Variants in CDH13 observed in about 807,000 individuals in gnomAD.
CDH13 encodes the protein cadherin-13.
A neutral mutation model predicts 63.8 loss-of-function variants in CDH13; 24 were observed. That is an observed-to-expected ratio of 0.38 (90% CI 0.27 to 0.53). CDH13 has a LOEUF of 0.53. Among genes scored for constraint, CDH13 ranks in the 20% least tolerant of loss-of-function variants. The pLI is 0.85. For synonymous variants in CDH13, 503 were observed against 355.3 expected (o/e 1.42, Z -4.67); for missense variants, 1,049 against 903.1 (o/e 1.16, Z -2.07).
chr16:83,414,010 C>A (rs1361669389), intron 6 of CDH13, among the ~76,000 whole-genome samples: 1 of 152,068 alleles, frequency 6.6e-6, no homozygotes, highest in Admixed American at 6.6e-5. Context: ...AACAAAAATA[C>A]TCTTCTCTCT....
chr16:83,052,801 A>AAAGAAAG (rs1555571698), intron 3 of CDH13, among the ~76,000 whole-genome samples: 1 of 122,670 alleles, frequency 8.2e-6, no homozygotes, highest in African/African-American at 3.3e-5. Flanking sequence ...AAAAAAAAAA[A>AAAGAAAG]AAAGAAAGAA....
rs138629648 is a variant in CDH13 at position 83,246,765 on chromosome 16, G to A, written c.636+29268G>A. On this transcript the variant is annotated intron_variant, in intron 5 of 13. Coordinates refer to ENST00000567109, the MANE Select transcript of CDH13 (RefSeq NM_001257.5). ...TAAAGCTGGATCTAATCACTTCCTT[G>A]CTGAAACCATTGATGCTTCTCTGTC... Among the ~76,000 whole-genome samples the A allele has an allele frequency of 3.9e-5, 6 of 152,260 alleles. No individual in the cohort carries two copies. The East Asian group carries it at 1.2e-3, about 29-fold the overall frequency.
At chr16:83,381,244 G>A (rs2091561398) in intron 6 of CDH13, among the ~76,000 whole-genome samples, 1 of 151,886 alleles carries the variant, frequency 6.6e-6, no homozygotes, top group South Asian at 2.1e-4. Flanking sequence ...GCCATCTGGA[G>A]TGAGCACATC....
At chr16:83,502,168 G>A (rs527724426) in intron 7 of CDH13, among the ~76,000 whole-genome samples, 95 of 152,226 alleles carry the variant, frequency 6.2e-4, no homozygotes, top group Admixed American at 1.1e-3. Context: ...TACCTTACAG[G>A]GCAAATGGGA....
chr16:83,427,916 G>C (rs1212504756), intron 6 of CDH13, among the ~76,000 whole-genome samples: 1 of 152,220 alleles, frequency 6.6e-6, no homozygotes, highest in Non-Finnish European at 1.5e-5. Flanking sequence ...AGGCAGAACT[G>C]CTGACAGCTT....
At chr16:83,375,905 T>C (rs890594036) in intron 6 of CDH13, among the ~76,000 whole-genome samples, 5 of 151,858 alleles carry the variant, frequency 3.3e-5, no homozygotes, top group African/African-American at 7.3e-5. Flanking sequence ...ATGATACAGG[T>C]GTTGGAGAGA....
At chr16:83,374,580 G>C (rs527954228) in intron 6 of CDH13, among the ~76,000 whole-genome samples, 1 of 152,324 alleles carries the variant, frequency 6.6e-6, no homozygotes, top group South Asian at 2.1e-4. Flanking sequence ...GAACATCTGA[G>C]TTGGAACTCG....
At chr16:83,465,322 T>C (rs549220987) in intron 6 of CDH13, among the ~76,000 whole-genome samples, 1 of 152,230 alleles carries the variant, frequency 6.6e-6, no homozygotes, top group Admixed American at 6.5e-5. Flanking sequence ...GCTTCTAGAA[T>C]TACAAGAGGG....
chr16:83,480,721 C>T (rs1022383135), intron 6 of CDH13, among the ~76,000 whole-genome samples: 2 of 152,204 alleles, frequency 1.3e-5, no homozygotes, highest in East Asian at 1.9e-4. Flanking sequence ...GGAATCCCCT[C>T]AGTCCTGGGA....
chr16:82,928,116 T>C (rs537077346), intron 2 of CDH13, among the ~76,000 whole-genome samples: 1 of 152,256 alleles, frequency 6.6e-6, no homozygotes, highest in African/African-American at 2.4e-5. Flanking sequence ...CCATTTGTAC[T>C]ATTTGGTCAT....
intron 7 of CDH13, among the ~76,000 whole-genome samples, chr16:83,534,570 C>T (rs1013411667): frequency 2.0e-5 from 3 of 152,190 alleles, no homozygotes; most frequent in African/African-American, 7.2e-5. Context: ...CTTTTGTGGC[C>T]TTTTGCGATT....
chr16:83,039,717 C>T (rs1048313656), intron 3 of CDH13, among the ~76,000 whole-genome samples: 8 of 152,064 alleles, frequency 5.3e-5, no homozygotes, highest in Non-Finnish European at 1.2e-4. Context: ...ATGAGTGGAG[C>T]GAGTTACCCC....
At chr16:83,038,005 C>A (rs955348069) in intron 3 of CDH13, among the ~76,000 whole-genome samples, 1 of 151,894 alleles carries the variant, frequency 6.6e-6, no homozygotes, top group Non-Finnish European at 1.5e-5. Flanking sequence ...GAGACAGAAG[C>A]CAGAGATGGG....
At chr16:83,643,292 A>AG (rs1911471630) in intron 8 of CDH13, among the ~76,000 whole-genome samples, 1 of 41,978 alleles carries the variant, frequency 2.4e-5, no homozygotes, top group Admixed American at 2.9e-4. Context: ...ATAAAAAAAA[A>AG]AAAAAAAAAG....
chr16:83,272,333 A>T (rs1366142600), intron 5 of CDH13, among the ~76,000 whole-genome samples: 1 of 152,198 alleles, frequency 6.6e-6, no homozygotes, highest in Non-Finnish European at 1.5e-5. Flanking sequence ...TTGCTACATA[A>T]AGAGTTAAAG....
chr16:83,071,503 A>T (rs1405134639), intron 3 of CDH13, among the ~76,000 whole-genome samples: 2 of 152,182 alleles, frequency 1.3e-5, no homozygotes, highest in Non-Finnish European at 2.9e-5. Flanking sequence ...TCTGAGCAGG[A>T]GGAGAGCAAC....
chr16:83,460,993 ACG>A (rs1379417350), intron 6 of CDH13, among the ~76,000 whole-genome samples: 141 of 129,558 alleles, frequency 1.1e-3, no homozygotes, highest in African/African-American at 3.5e-3. Context: ...ACACACACAC[ACG>A]CACACACACA....
chr16:82,690,716 A>C (rs1915562012), intron 1 of CDH13, among the ~76,000 whole-genome samples: 1 of 152,228 alleles, frequency 6.6e-6, no homozygotes, highest in Non-Finnish European at 1.5e-5. Context: ...GTTCATGAAT[A>C]AAAGAAACAT....
intron 7 of CDH13, among the ~76,000 whole-genome samples, chr16:83,524,858 A>G (rs1263174458): frequency 6.6e-6 from 1 of 152,074 alleles, no homozygotes; most frequent in Non-Finnish European, 1.5e-5. Flanking sequence ...ACCATCTAAC[A>G]CAGAAAAGCC....
Sources: gnomAD v4.1 joint callset for allele counts (sites outside exome capture counted in the v4.1 genomes callset) on GRCh38, gnomAD v4.1.1 for gene constraint, MANE v1.5 for transcripts, NCBI Gene and HGNC (gene_info 2026-07-23, HGNC 2026-07-21) for gene names.